HNRNPR: variants seen among roughly 807,000 people sequenced by gnomAD.
HNRNPR encodes heterogeneous nuclear ribonucleoprotein R.
In HNRNPR, 4 loss-of-function variants were observed where a neutral mutation model predicts 70.3. The ratio of observed to expected loss-of-function variants is 0.06; its 90% CI spans 0.03 to 0.13. The LOEUF (loss-of-function observed/expected upper bound fraction) is 0.13, where lower values mean the gene tolerates loss of function less well. HNRNPR is among the 10% of genes least tolerant of loss of function. The probability of loss-of-function intolerance (pLI) is 1.00; values close to 1 mark genes in which losing one functional copy is unlikely to be tolerated. For synonymous variants in HNRNPR, 241 were observed against 267.6 expected, an observed-to-expected ratio of 0.90 and a Z score of 0.97; for missense variants, 423 against 788.5, an observed-to-expected ratio of 0.54 and a Z score of 5.55.
intron 2 of HNRNPR, among the ~76,000 whole-genome samples, chr1:23,340,098 T>C (rs752518988): frequency 2.8e-4 from 42 of 151,492 alleles, no homozygotes; most frequent in Admixed American, 5.3e-4. Flanking sequence ...AGTGAGACAA[T>C]TCAATTCTCT....
At chr1:23,332,209 T>A (rs894241243) in intron 5 of HNRNPR, among the ~76,000 whole-genome samples, 1 of 152,118 alleles carries the variant, frequency 6.6e-6, no homozygotes, top group African/African-American at 2.4e-5. Context: ...TGGAAAAAGC[T>A]TTAAGAAGAC....
chr1:23,335,882 C>T (rs1278873711), intron 4 of HNRNPR, among the ~76,000 whole-genome samples: 1 of 147,850 alleles, frequency 6.8e-6, no homozygotes, highest in African/African-American at 2.5e-5. Flanking sequence ...CTTTGGGAGG[C>T]TGAGGCGGGC....
intron 5 of HNRNPR, among the ~76,000 whole-genome samples, chr1:23,331,682 A>C (rs1254311998): frequency 6.6e-6 from 1 of 151,402 alleles, no homozygotes; most frequent in Non-Finnish European, 1.5e-5. Flanking sequence ...AGCAAAACAC[A>C]AAATAGCTGG....
At chr1:23,324,915 C>A (rs968108684) in intron 5 of HNRNPR, among the ~76,000 whole-genome samples, 20 of 151,564 alleles carry the variant, frequency 1.3e-4, no homozygotes, top group Admixed American at 6.6e-4. Context: ...CTGAGGCGGG[C>A]GGATCACGAA....
intron 5 of HNRNPR, among the ~76,000 whole-genome samples, chr1:23,330,396 A>G (rs1218945257): frequency 6.6e-6 from 1 of 152,048 alleles, no homozygotes; most frequent in Non-Finnish European, 1.5e-5. Flanking sequence ...TTAGCTGAGC[A>G]TGGTGGTGCA....
chr1:23,312,347 A>G (rs1221119919), intron 9 of HNRNPR, among the ~76,000 whole-genome samples: 1 of 152,226 alleles, frequency 6.6e-6, no homozygotes, highest in Admixed American at 6.5e-5. Context: ...CCTGGACTAG[A>G]TATTTTATAA....
intron 5 of HNRNPR, among the ~76,000 whole-genome samples, chr1:23,333,144 T>C (rs989112508): frequency 6.6e-6 from 1 of 152,068 alleles, no homozygotes; most frequent in African/African-American, 2.4e-5. Context: ...ACCGTGTCAC[T>C]GCACTCCAGC....
Position 23,305,970 on chromosome 1 carries a change from G to A in HNRNPR, c.*4484C>T, listed in dbSNP as rs1348587530. The A allele has an allele frequency of 6.6e-6, 1 of 152,096 alleles. No individual in the cohort carries two copies. The highest frequency in any genetic ancestry group is 2.4e-5 in the African/African-American group (1 of 41,410). The allele number at this position is 152,096 out of a possible 1,614,324, so 9.4% of individuals were successfully genotyped here. On this transcript the variant is annotated 3_prime_UTR_variant, in exon 11 of 11. Coordinates refer to ENST00000302271, the MANE Select transcript of HNRNPR (RefSeq NM_005826.5). ...AAGATTTTTAAAAATAGTATCTTTG[G>A]TGTTTAAGCCCTCCATTCTATCAAT...
chr1:23,339,363 G>T (rs934645773), intron 2 of HNRNPR, among the ~76,000 whole-genome samples: 1 of 152,172 alleles, frequency 6.6e-6, no homozygotes, highest in African/African-American at 2.4e-5. Flanking sequence ...TTTTCAAATG[G>T]CAATAAAGAC....
In HNRNPR at chr1:23,341,807, T is replaced by G. The variant is rs1192123024; in HGVS notation, c.-9-790A>C. Among the ~76,000 whole-genome samples, 3 of 152,154 alleles carry G rather than the reference T, an allele frequency of 2.0e-5. No homozygotes were observed. The East Asian group carries it at 5.8e-4, about 29-fold the overall frequency. ...AAGAATGGACAACTTCTTCCAAATATTTCAAAAACCGTTACCTAATTAGGC... is the reference window on the plus strand; with the variant it reads ...AAGAATGGACAACTTCTTCCAAATAGTTCAAAAACCGTTACCTAATTAGGC... On this transcript the variant is annotated intron_variant, in intron 1 of 10. Transcript: ENST00000302271.
intron 4 of HNRNPR, 125 bp downstream of exon 4, chr1:23,337,629 T>G: frequency 1.6e-6 from 1 of 616,222 alleles, no homozygotes; most frequent in Non-Finnish European, 2.8e-6. Context: ...TACTCCAGCC[T>G]GGGCGACAGA....
intron 1 of HNRNPR, 63 bp from the exon 2 acceptor site, chr1:23,341,080 T>A: frequency 8.0e-7 from 1 of 1,243,648 alleles, no homozygotes; most frequent in Non-Finnish European, 1.1e-6. Context: ...TGTAGGACAA[T>A]GCATGATTTA....
Position 23,323,732 on chromosome 1 carries a change from C to A in HNRNPR, c.499G>T (p.Val167Leu). 6.2e-7 allele frequency: 1 copy of A among 1,613,388 alleles called. No individual in the cohort carries two copies. Among genetic ancestry groups the A allele is most frequent in the Non-Finnish European group, 8.5e-7 (1 of 1,179,412 alleles). Reference protein sequence around the residue: ...SGVQPGIGTEVFVGKIPRDLY... With the variant: ...SGVQPGIGTELFVGKIPRDLY... Reference sequence around the variant, plus strand: ...TCCCTTGGTATTTTGCCTACAAATACCTGAAATAAAACCCCCTTATTAGAA... The same window carrying A: ...TCCCTTGGTATTTTGCCTACAAATAACTGAAATAAAACCCCCTTATTAGAA... The change falls in exon 6 of 11, where the codon GTA becomes TTA. Residue 167 changes from valine (V) to leucine (L), a missense_variant and splice_region_variant. Physicochemically the swap from Val to Leu is conservative, Grantham distance 32 (BLOSUM62 1). Transcript: ENST00000302271.
chr1:23,323,784 C>A, intron 5 of HNRNPR, 52 bp from the exon 6 acceptor site: 6 of 1,489,988 alleles, frequency 4.0e-6, no homozygotes, highest in Non-Finnish European at 5.6e-6. Flanking sequence ...GATTTTAGAG[C>A]CATAAAGCCT....
At chr1:23,335,381 C>T (rs1320882723) in intron 4 of HNRNPR, among the ~76,000 whole-genome samples, 1 of 152,210 alleles carries the variant, frequency 6.6e-6, no homozygotes, top group Admixed American at 6.5e-5. Context: ...GTCCCCACAC[C>T]CCTGGGCCAC....
At chr1:23,340,681 A>G (rs1192540725) in intron 2 of HNRNPR, among the ~76,000 whole-genome samples, 171 bp downstream of exon 2, 3 of 152,254 alleles carry the variant, frequency 2.0e-5, no homozygotes, top group African/African-American at 7.2e-5. Flanking sequence ...AAATAATGAA[A>G]TAAGAGTATC....
chr1:23,320,731 T>A (rs1256071672), intron 7 of HNRNPR, among the ~76,000 whole-genome samples: 1 of 152,158 alleles, frequency 6.6e-6, no homozygotes, highest in Non-Finnish European at 1.5e-5. Flanking sequence ...TGAAATAGAA[T>A]AAGAAATATC....
chr1:23,317,934 C>T (rs1025316253), intron 8 of HNRNPR, among the ~76,000 whole-genome samples: 4 of 151,198 alleles, frequency 2.6e-5, no homozygotes, highest in Non-Finnish European at 4.4e-5. Flanking sequence ...GAGCCGAGAT[C>T]GTACCACTGC....
At chr1:23,322,049 G>A (rs978389287) in intron 6 of HNRNPR, among the ~76,000 whole-genome samples, 3 of 152,096 alleles carry the variant, frequency 2.0e-5, no homozygotes, top group African/African-American at 7.2e-5. Flanking sequence ...ATAACAATAT[G>A]TAAAGGGTAA....
Sources: allele counts gnomAD v4.1 joint callset (sites outside exome capture counted in the v4.1 genomes callset), GRCh38; gene constraint gnomAD v4.1.1; transcripts MANE v1.5; gene names NCBI Gene and HGNC (gene_info 2026-07-23, HGNC 2026-07-21).